RAPGEF1: variants seen among roughly 807,000 people sequenced by gnomAD.
The protein encoded by RAPGEF1 is CRK SH3-binding GNRP.
In RAPGEF1, 33 loss-of-function variants were observed where a neutral mutation model predicts 143.3. The observed-to-expected ratio is 0.23, with a 90% CI of 0.17 to 0.31. The LOEUF (loss-of-function observed/expected upper bound fraction) is 0.31, where lower values mean the gene tolerates loss of function less well. RAPGEF1 is among the 10% of genes least tolerant of loss of function. The probability of loss-of-function intolerance (pLI) is 1.00; values close to 1 mark genes in which losing one functional copy is unlikely to be tolerated. For missense variants in RAPGEF1, 1,199 were observed against 1,645.4 expected, an observed-to-expected ratio of 0.73 and a Z score of 4.69; for synonymous variants, 629 against 676.5, an observed-to-expected ratio of 0.93 and a Z score of 1.09.
Position 131,578,410 on chromosome 9 carries a change from AG to A in RAPGEF1, c.*1086del, listed in dbSNP as rs1951429064. The A allele has an allele frequency of 6.6e-6, 1 of 152,256 alleles. No individual in the cohort carries two copies. Among genetic ancestry groups the A allele is most frequent in the African/African-American group, 2.4e-5 (1 of 41,374 alleles). The allele number at this position is 152,256 out of a possible 1,614,324, so 9.4% of individuals were successfully genotyped here. ...CAGGCTTCTGCCTCCCTGCACCCTG[AG>A]GGACCATTCGGGTGCCTCAGGGATG... On this transcript the variant is annotated 3_prime_UTR_variant, in exon 27 of 27. Transcript: ENST00000683357.
intron 1 of RAPGEF1, among the ~76,000 whole-genome samples, chr9:131,695,504 G>A (rs931934286): frequency 2.0e-5 from 3 of 152,224 alleles, no homozygotes; most frequent in Non-Finnish European, 4.4e-5. Flanking sequence ...CAAGCGCACT[G>A]CTGTGTTACA....
intron 1 of RAPGEF1, among the ~76,000 whole-genome samples, chr9:131,734,159 G>A (rs1232103258): frequency 1.3e-5 from 2 of 152,090 alleles, no homozygotes; most frequent in Admixed American, 1.3e-4. Flanking sequence ...AAGATGGAAA[G>A]CTGTGTCCCC....
At chr9:131,648,462 G>T (rs940153781) in intron 3 of RAPGEF1, among the ~76,000 whole-genome samples, 1 of 152,132 alleles carries the variant, frequency 6.6e-6, no homozygotes, top group South Asian at 2.1e-4. Context: ...TTGAGTGGCC[G>T]AACAGTTTCA....
chr9:131,671,214 T>A (rs2130779853), intron 1 of RAPGEF1, among the ~76,000 whole-genome samples: 1 of 152,326 alleles, frequency 6.6e-6, no homozygotes, highest in African/African-American at 2.4e-5. Flanking sequence ...TCAGCAGCTG[T>A]ATCCTCTAAG....
rs190189411 is a variant in RAPGEF1, at chr9:131,624,415, T to C, written c.1702+1507A>G. Among the ~76,000 whole-genome samples, 42 of 152,296 alleles carry C rather than the reference T, an allele frequency of 2.8e-4. No homozygotes were observed. In the East Asian group the frequency reaches 7.9e-3, roughly 29 times the overall value. ...GCCTCAAAATGGTGGCCTAAATTAA[T>C]AGGGATTTTCAGCCACTTGAGACTG... On this transcript the variant is annotated intron_variant, in intron 10 of 26. Transcript: ENST00000683357.
At chr9:131,703,151 C>T (rs901162356) in intron 1 of RAPGEF1, among the ~76,000 whole-genome samples, 2 of 152,114 alleles carry the variant, frequency 1.3e-5, no homozygotes, top group African/African-American at 2.4e-5. Context: ...CGTGCCACCA[C>T]GCCCAGTTAA....
chr9:131,704,768 G>A (rs1564185078), intron 1 of RAPGEF1, among the ~76,000 whole-genome samples: 1 of 152,076 alleles, frequency 6.6e-6, no homozygotes, highest in Non-Finnish European at 1.5e-5. Context: ...AGGAAGGAAT[G>A]AAAGGAAAGG....
chr9:131,612,914 C>T (rs900567541), intron 12 of RAPGEF1, among the ~76,000 whole-genome samples: 9 of 152,194 alleles, frequency 5.9e-5, no homozygotes, highest in Non-Finnish European at 1.3e-4. Flanking sequence ...GATTCTTGGC[C>T]AGAGCCTGGG....
rs949988886 is a variant in RAPGEF1 at position 131,629,746 on chromosome 9, G to A, written c.740+490C>T. Reference sequence around the variant, plus strand: ...GAGGAGGCTGCAATGAGCCCAGATCGCACCACTGCACTCCAGCCTGAGCCA... The same window carrying A: ...GAGGAGGCTGCAATGAGCCCAGATCACACCACTGCACTCCAGCCTGAGCCA... On this transcript the variant is annotated intron_variant, in intron 6 of 26. Transcript: ENST00000683357. Among the ~76,000 whole-genome samples, 5 of 151,842 alleles carry A rather than the reference G, an allele frequency of 3.3e-5. No individual in the cohort carries two copies. The South Asian group carries it at 8.3e-4, about 25-fold the overall frequency.
chr9:131,617,594 CAT>C (rs1356565392), intron 12 of RAPGEF1, among the ~76,000 whole-genome samples: 6 of 152,346 alleles, frequency 3.9e-5, no homozygotes, highest in African/African-American at 1.4e-4. Flanking sequence ...GGTTAACTCT[CAT>C]GTGTAAAGTT....
chr9:131,724,543 C>T (rs956543703), intron 1 of RAPGEF1, among the ~76,000 whole-genome samples: 6 of 151,986 alleles, frequency 3.9e-5, no homozygotes, highest in Admixed American at 6.5e-5. Context: ...TGCAGTGAGC[C>T]GAGATCACGC....
chr9:131,582,926 G>A (rs916289824), intron 24 of RAPGEF1, among the ~76,000 whole-genome samples: 9 of 152,184 alleles, frequency 5.9e-5, no homozygotes, highest in Admixed American at 3.9e-4. Flanking sequence ...GGTCACAGGG[G>A]ACTTCAGGCC....
chr9:131,731,885 G>T (rs536128220), intron 1 of RAPGEF1, among the ~76,000 whole-genome samples: 17 of 152,336 alleles, frequency 1.1e-4, no homozygotes, highest in Middle Eastern at 6.8e-3. Flanking sequence ...TACAGGAGTC[G>T]TGGTGTTCCG....
At chr9:131,640,667 G>C (rs1292142519) in intron 4 of RAPGEF1, among the ~76,000 whole-genome samples, 1 of 152,152 alleles carries the variant, frequency 6.6e-6, no homozygotes, top group Non-Finnish European at 1.5e-5. Context: ...CTCATGCTAA[G>C]AGCCAGCTGC....
intron 4 of RAPGEF1, among the ~76,000 whole-genome samples, chr9:131,640,262 T>C (rs1967511983): frequency 1.3e-5 from 2 of 152,180 alleles, no homozygotes; most frequent in South Asian, 4.1e-4. Flanking sequence ...AGGTGAGGCA[T>C]CTTGAAAGAA....
chr9:131,618,947 G>T (rs1183807969), intron 12 of RAPGEF1, 104 bp downstream of exon 12: 2 of 1,047,832 alleles, frequency 1.9e-6, no homozygotes, highest in African/African-American at 3.3e-5. Context: ...CCGCAGAAGG[G>T]CAGGGGCCGC....
At chr9:131,679,694 C>T (rs1050714553) in intron 1 of RAPGEF1, among the ~76,000 whole-genome samples, 4 of 152,212 alleles carry the variant, frequency 2.6e-5, no homozygotes, top group African/African-American at 7.2e-5. Context: ...TACTACGCAG[C>T]GGGGACTCCG....
chr9:131,597,431 T>C (rs1057307382), intron 16 of RAPGEF1, among the ~76,000 whole-genome samples: 20 of 152,260 alleles, frequency 1.3e-4, no homozygotes, highest in African/African-American at 4.1e-4. Flanking sequence ...CTCCCTGCCA[T>C]GGCCAGAGCC....
At position 131,667,482 on chromosome 9, in the gene RAPGEF1, T is replaced by C. The variant is rs1268099115; in HGVS notation, c.62-16533A>G. Among the ~76,000 whole-genome samples the C allele has an allele frequency of 6.6e-6, 1 of 152,172 alleles. No homozygotes were observed. The highest frequency in any genetic ancestry group is 1.5e-5 in the Non-Finnish European group (1 of 68,022). On this transcript the variant is annotated intron_variant, in intron 1 of 26. Coordinates refer to ENST00000683357, the MANE Select transcript of RAPGEF1 (RefSeq NM_001377935.1). The surrounding 1 kb of genome is among the most constrained non-coding windows in gnomAD (Gnocchi z 4.6). ...TACAGGGACAGAGGTGGCTGGGTGA[T>C]GGCCTCAAGAAATGTCACTGTGCAA...
Sources: allele counts gnomAD v4.1 joint callset (sites outside exome capture counted in the v4.1 genomes callset), GRCh38; gene constraint gnomAD v4.1.1; non-coding constraint Gnocchi (gnomAD v3.1); transcripts MANE v1.5; gene names NCBI Gene and HGNC (gene_info 2026-07-23, HGNC 2026-07-21).